The following GRB10 variants were observed in gnomAD, a reference collection of about 807,000 sequenced individuals.
The protein encoded by GRB10 is growth factor receptor-bound protein 10.
Under a neutral mutation model 80.9 loss-of-function variants are expected in GRB10, and 20 were observed. That is an observed-to-expected ratio of 0.25 (90% CI 0.17 to 0.36). GRB10 has a LOEUF of 0.36. GRB10 is among the 10% of genes least tolerant of loss of function. The probability of loss-of-function intolerance (pLI) is 1.00; values close to 1 mark genes in which losing one functional copy is unlikely to be tolerated. For synonymous variants in GRB10, 291 were observed against 291.5 expected, an observed-to-expected ratio of 1.00 and a Z score of 0.02; for missense variants, 548 against 747.7, an observed-to-expected ratio of 0.73 and a Z score of 3.12.
intron 7 of GRB10, 132 bp from the exon 8 acceptor site, chr7:50,627,110 G>T: frequency 2.2e-6 from 2 of 900,096 alleles, no homozygotes; most frequent in Non-Finnish European, 3.6e-6. Flanking sequence ...TTTCCAGGCA[G>T]CCAACAGGTC....
At position 50,756,416 on chromosome 7, in the gene GRB10, G is replaced by A. The variant is rs141299069; in HGVS notation, c.-216-360C>T. Among the ~76,000 whole-genome samples, 1,138 of 152,326 alleles carry A rather than the reference G, an allele frequency of 7.5e-3. 10 individuals carry two copies. The highest frequency in any genetic ancestry group is 0.031 in the Middle Eastern group (9 of 294). ...TACCTAGAATTCACTTCGGGCCCAGGTCAGGGTCCTCCCAGGCTACAACCT... is the reference window on the plus strand; with the variant it reads ...TACCTAGAATTCACTTCGGGCCCAGATCAGGGTCCTCCCAGGCTACAACCT... On this transcript the variant is annotated intron_variant, in intron 2 of 18. Transcript: ENST00000401949.
intron 7 of GRB10, among the ~76,000 whole-genome samples, chr7:50,634,320 C>A (rs1444094452): frequency 6.6e-6 from 1 of 152,130 alleles, no homozygotes; most frequent in Admixed American, 6.5e-5. Context: ...AGAAATAAAG[C>A]CTTTCCCAGA....
At chr7:50,783,906 G>A (rs966051853), upstream of GRB10, among the ~76,000 whole-genome samples, 9 of 152,204 alleles carry the variant, frequency 5.9e-5, no homozygotes, top group South Asian at 2.1e-4. Flanking sequence ...GTCACTGGAG[G>A]AGGAGGCTGG....
chr7:50,631,433 G>T (rs1056442591), intron 7 of GRB10, among the ~76,000 whole-genome samples: 1 of 152,134 alleles, frequency 6.6e-6, no homozygotes, highest in Admixed American at 6.5e-5. Flanking sequence ...ACATCTGAGG[G>T]CTTCTGGGCC....
At chr7:50,707,995 A>C (rs2065278057) in intron 4 of GRB10, among the ~76,000 whole-genome samples, 1 of 152,252 alleles carries the variant, frequency 6.6e-6, no homozygotes, top group Non-Finnish European at 1.5e-5. Context: ...CAGTGTCACC[A>C]GATTTAGCAA....
chr7:50,791,190 T>A (rs2078900068), intron 1 of GRB10, among the ~76,000 whole-genome samples: 1 of 152,184 alleles, frequency 6.6e-6, no homozygotes, highest in Admixed American at 6.5e-5. Context: ...ACAGTAAACA[T>A]AACTACCACA....
intron 13 of GRB10, among the ~76,000 whole-genome samples, chr7:50,608,964 C>CAAAA (rs60832218): frequency 3.0e-5 from 3 of 100,360 alleles, no homozygotes; most frequent in Non-Finnish European, 4.0e-5. Flanking sequence ...GACCCTGACT[C>CAAAA]AAAAAAAAAA....
At chr7:50,631,608 G>C (rs1192634249) in intron 7 of GRB10, among the ~76,000 whole-genome samples, 1 of 152,248 alleles carries the variant, frequency 6.6e-6, no homozygotes, top group Admixed American at 6.5e-5. Flanking sequence ...ACAGGGCCAA[G>C]TGGAGGCATT....
chr7:50,691,897 G>A (rs781673127), intron 5 of GRB10, among the ~76,000 whole-genome samples: 2 of 152,040 alleles, frequency 1.3e-5, no homozygotes, highest in African/African-American at 2.4e-5. Context: ...TATGCTGAGC[G>A]TTTCAGAAAA....
intron 7 of GRB10, among the ~76,000 whole-genome samples, chr7:50,651,456 C>T (rs2057999874): frequency 6.6e-6 from 1 of 152,308 alleles, no homozygotes; most frequent in South Asian, 2.1e-4. Context: ...GTCCAAATTT[C>T]CCCTTAGAAA....
At chr7:50,686,874 C>T (rs560578294) in intron 5 of GRB10, among the ~76,000 whole-genome samples, 107 of 152,300 alleles carry the variant, frequency 7.0e-4, no homozygotes, top group African/African-American at 2.5e-3. Flanking sequence ...ATACTGCCTC[C>T]TTACGTTTTA....
At chr7:50,792,654 A>C in intron 1 of GRB10, 1 of 393,240 alleles carries the variant, frequency 2.5e-6, no homozygotes, top group Non-Finnish European at 4.5e-6. Flanking sequence ...GAACCAAAAA[A>C]AAGGTCCTCC....
chr7:50,676,865 G>A (rs2061014936), intron 5 of GRB10, among the ~76,000 whole-genome samples: 1 of 152,140 alleles, frequency 6.6e-6, no homozygotes, highest in African/African-American at 2.4e-5. Context: ...CAAGATCCTG[G>A]TGAAGACAGA....
In GRB10 at chr7:50,771,938, G is replaced by A. The variant is rs187536591; in HGVS notation, c.-217+8689C>T. 2.4e-3 allele frequency among the ~76,000 whole-genome samples: 365 copies of A among 152,358 alleles called. 1 individual carries two copies. The highest frequency in any genetic ancestry group is 4.2e-3 in the Non-Finnish European group (283 of 68,034). The stretch of plus-strand genomic sequence containing the variant: ...CATGAGTCAGGATATTACAAAGGTA[G>A]AAAGTTCTTACCTGTAGGAAGCCAA... On this transcript the variant is annotated intron_variant, in intron 2 of 18. Coordinates refer to ENST00000401949, the MANE Select transcript of GRB10 (RefSeq NM_001350814.2).
Position 50,591,959 on chromosome 7 carries a change from G to C in GRB10, c.*993C>G, listed in dbSNP as rs568161139. The C allele has an allele frequency of 6.6e-6, 1 of 152,228 alleles. No homozygotes were observed. The highest frequency in any genetic ancestry group is 2.4e-5 in the African/African-American group (1 of 41,454). 9.4% of individuals were successfully genotyped at this position (152,228 alleles called of 1,614,324 possible). On this transcript the variant is annotated 3_prime_UTR_variant, in exon 19 of 19. Coordinates refer to ENST00000401949, the MANE Select transcript of GRB10 (RefSeq NM_001350814.2). ...CCCCGAGGGACATCAGCCGTGAAACGACTCACACCACTGCAGCAGCAGGGG... is the reference window on the plus strand; with the variant it reads ...CCCCGAGGGACATCAGCCGTGAAACCACTCACACCACTGCAGCAGCAGGGG...
At chr7:50,781,452 G>A (rs2078268699) in intron 1 of GRB10, 1 of 152,360 alleles carries the variant, frequency 6.6e-6, no homozygotes, top group South Asian at 2.1e-4. Context: ...GAGACACGCA[G>A]GAGACTCCAG....
At chr7:50,764,231 C>T (rs1350665069) in intron 2 of GRB10, among the ~76,000 whole-genome samples, 3 of 152,236 alleles carry the variant, frequency 2.0e-5, no homozygotes, top group Non-Finnish European at 4.4e-5. Context: ...GATCAGGCCG[C>T]CTGACCCACT....
intron 4 of GRB10, among the ~76,000 whole-genome samples, chr7:50,710,388 G>A (rs1027789240): frequency 7.9e-5 from 12 of 152,110 alleles, no homozygotes; most frequent in African/African-American, 2.2e-4. Context: ...ACAAAACAGC[G>A]AGGAAGCAGC....
chr7:50,624,907 CT>C (rs144882432), intron 8 of GRB10, among the ~76,000 whole-genome samples: 4,018 of 151,592 alleles, frequency 0.027, 198 homozygotes, highest in African/African-American at 0.093. Flanking sequence ...TTCCCTTTCC[CT>C]TTTTTTCCTT....
Sources: gnomAD v4.1 joint callset for allele counts (sites outside exome capture counted in the v4.1 genomes callset) on GRCh38, gnomAD v4.1.1 for gene constraint, MANE v1.5 for transcripts, NCBI Gene and HGNC (gene_info 2026-07-23, HGNC 2026-07-21) for gene names.